FOXP1: variants seen among roughly 807,000 people sequenced by gnomAD.
FOXP1 encodes the protein forkhead box protein P1.
A neutral mutation model predicts 98.2 loss-of-function variants in FOXP1; 15 were observed. The ratio of observed to expected loss-of-function variants is 0.15; its 90% CI spans 0.10 to 0.24. The LOEUF (loss-of-function observed/expected upper bound fraction) is 0.24, where lower values mean the gene tolerates loss of function less well. Ranked by LOEUF, FOXP1 falls within the 10% of genes least tolerant of loss-of-function variation. FOXP1 has a pLI of 1.00. For missense variants in FOXP1, 633 were observed against 848.5 expected (o/e 0.75, Z 3.15); for synonymous variants, 371 against 314.5 (o/e 1.18, Z -1.90).
chr3:71,580,366 T>C (rs1013896853), intron 2 of FOXP1, among the ~76,000 whole-genome samples: 80 of 149,508 alleles, frequency 5.4e-4, no homozygotes, highest in Middle Eastern at 6.8e-3. Context: ...TCTTGCTCTT[T>C]AATTGTGAGA....
At chr3:71,402,695 G>T (rs2082030424) in intron 3 of FOXP1, among the ~76,000 whole-genome samples, 1 of 152,232 alleles carries the variant, frequency 6.6e-6, no homozygotes, top group Non-Finnish European at 1.5e-5. Flanking sequence ...GTGTACATAA[G>T]TGTATATAAA....
intron 6 of FOXP1, among the ~76,000 whole-genome samples, chr3:71,164,810 T>A (rs919024622): frequency 6.6e-6 from 1 of 152,218 alleles, no homozygotes; most frequent in African/African-American, 2.4e-5. Flanking sequence ...TGTTTTATCA[T>A]ACAACCAACA....
chr3:70,996,627 G>A (rs1375642650), intron 13 of FOXP1, among the ~76,000 whole-genome samples: 2 of 152,188 alleles, frequency 1.3e-5, no homozygotes, highest in African/African-American at 2.4e-5. Flanking sequence ...CAAGGAGGCT[G>A]TCTAGGTACA....
chr3:71,541,963 G>A (rs376055172), intron 2 of FOXP1: 94 of 532,608 alleles, frequency 1.8e-4, no homozygotes, highest in South Asian at 1.1e-3. Context: ...ATCACGCCGC[G>A]CGAGACAGAT....
chr3:71,155,045 C>T (rs1414463775), intron 6 of FOXP1, among the ~76,000 whole-genome samples: 2 of 152,148 alleles, frequency 1.3e-5, no homozygotes, highest in Non-Finnish European at 2.9e-5. Flanking sequence ...GATATTATTT[C>T]TTTTACACAG....
intron 3 of FOXP1, among the ~76,000 whole-genome samples, chr3:71,423,656 C>A (rs549034305): frequency 1.3e-5 from 2 of 152,210 alleles, no homozygotes; most frequent in Non-Finnish European, 2.9e-5. Flanking sequence ...GGCCATGGGG[C>A]CAACACAGGG....
intron 6 of FOXP1, among the ~76,000 whole-genome samples, chr3:71,159,319 G>A (rs1393125955): frequency 6.6e-6 from 1 of 152,048 alleles, no homozygotes; most frequent in Non-Finnish European, 1.5e-5. Flanking sequence ...AGGTTAAAAG[G>A]GTTATGATGG....
chr3:71,453,997 C>G (rs2087197105), intron 3 of FOXP1, among the ~76,000 whole-genome samples: 1 of 152,182 alleles, frequency 6.6e-6, no homozygotes, highest in Non-Finnish European at 1.5e-5. Flanking sequence ...GGTATTTCCA[C>G]CAAACCACCT....
intron 3 of FOXP1, among the ~76,000 whole-genome samples, chr3:71,397,550 C>T (rs1349970199): frequency 6.6e-6 from 1 of 152,196 alleles, no homozygotes; most frequent in Non-Finnish European, 1.5e-5. Context: ...ACAGACTGAA[C>T]ACTGGGAAAT....
intron 7 of FOXP1, among the ~76,000 whole-genome samples, chr3:71,067,503 T>C (rs1195729598): frequency 1.3e-5 from 2 of 152,304 alleles, no homozygotes; most frequent in Non-Finnish European, 2.9e-5. Context: ...TGTGGGTGTT[T>C]TAACAGTCTC....
At chr3:71,469,786 TG>T (rs1175376025) in intron 3 of FOXP1, among the ~76,000 whole-genome samples, 1 of 152,208 alleles carries the variant, frequency 6.6e-6, no homozygotes, top group Non-Finnish European at 1.5e-5. Flanking sequence ...GATTTTTCAC[TG>T]GAACTTTCTC....
intron 3 of FOXP1, among the ~76,000 whole-genome samples, chr3:71,471,540 A>G (rs1274614785): frequency 6.6e-6 from 1 of 152,216 alleles, no homozygotes; most frequent in Non-Finnish European, 1.5e-5. Context: ...CAAAGGATTC[A>G]AAACAACTGC....
chr3:71,147,217 T>C (rs1014298300), intron 6 of FOXP1, among the ~76,000 whole-genome samples: 1 of 152,218 alleles, frequency 6.6e-6, no homozygotes, highest in Non-Finnish European at 1.5e-5. Flanking sequence ...ATCTCTTCCC[T>C]GCATAGCAGC....
At chr3:71,272,556 C>G (rs1242994136) in intron 5 of FOXP1, among the ~76,000 whole-genome samples, 1 of 151,780 alleles carries the variant, frequency 6.6e-6, no homozygotes, top group Non-Finnish European at 1.5e-5. Flanking sequence ...AGCCCCCCAC[C>G]CCGGGTATCT....
chr3:71,212,316 C>G (rs1036207865), intron 5 of FOXP1, among the ~76,000 whole-genome samples: 2 of 152,164 alleles, frequency 1.3e-5, no homozygotes, highest in Non-Finnish European at 2.9e-5. Flanking sequence ...TTAAGAGACC[C>G]TCATGAACCT....
intron 5 of FOXP1, among the ~76,000 whole-genome samples, chr3:71,203,026 C>CTAA (rs1326775757): frequency 1.3e-5 from 2 of 152,162 alleles, no homozygotes; most frequent in Non-Finnish European, 2.9e-5. Context: ...CTGCCTTGCT[C>CTAA]CATGACATAC....
intron 11 of FOXP1, among the ~76,000 whole-genome samples, chr3:71,035,494 G>A (rs1203864819): frequency 6.6e-6 from 1 of 152,194 alleles, no homozygotes; most frequent in Non-Finnish European, 1.5e-5. Flanking sequence ...GTAAATGAAT[G>A]TGACTGTGTC....
intron 2 of FOXP1, among the ~76,000 whole-genome samples, chr3:71,540,331 T>C (rs145903398): frequency 2.7e-4 from 41 of 152,200 alleles, no homozygotes; most frequent in Admixed American, 5.2e-4. Context: ...CAACGTCTAA[T>C]GACACCCAAA....
chr3:71,168,576 A>G (rs2061495281), intron 6 of FOXP1, among the ~76,000 whole-genome samples: 1 of 152,226 alleles, frequency 6.6e-6, no homozygotes, highest in African/African-American at 2.4e-5. Context: ...CTGCAAACAA[A>G]AACAAAATAA....
Sources: allele counts gnomAD v4.1 joint callset (sites outside exome capture counted in the v4.1 genomes callset), GRCh38; gene constraint gnomAD v4.1.1; transcripts MANE v1.5; gene names NCBI Gene and HGNC (gene_info 2026-07-23, HGNC 2026-07-21).